Variants in ANO5 observed in about 807,000 individuals in gnomAD.
The protein encoded by ANO5 is anoctamin-5.
In ANO5, 109 loss-of-function variants were observed where a neutral mutation model predicts 121.0. That is an observed-to-expected ratio of 0.90 (90% CI 0.77 to 1.06). ANO5 has a LOEUF of 1.06. Among genes scored for constraint, ANO5 ranks in the 50% least tolerant of loss-of-function variants. ANO5 has a pLI of 0.00. For missense variants in ANO5, 1,064 were observed against 1,078.5 expected, an observed-to-expected ratio of 0.99 and a Z score of 0.19; for synonymous variants, 406 against 359.9, an observed-to-expected ratio of 1.13 and a Z score of -1.45.
intron 10 of ANO5, 25 bp downstream of exon 10, chr11:22,250,396 TAGAGA>T: frequency 6.2e-7 from 1 of 1,612,838 alleles, no homozygotes; most frequent in Non-Finnish European, 8.5e-7. Flanking sequence ...GTTGCCCAGA[TAGAGA>T]AAACATCTTT....
intron 19 of ANO5, among the ~76,000 whole-genome samples, chr11:22,273,511 A>C (rs1430642271): frequency 6.6e-6 from 1 of 152,146 alleles, no homozygotes; most frequent in Non-Finnish European, 1.5e-5. Context: ...GAAATCATAG[A>C]GCTTAATTTA....
intron 5 of ANO5, among the ~76,000 whole-genome samples, chr11:22,221,890 TA>T (rs1295775559): frequency 6.6e-6 from 1 of 151,902 alleles, no homozygotes; most frequent in East Asian, 1.9e-4. Context: ...AAAATAAAAA[TA>T]AAAAATGAAG....
At chr11:22,250,012 A>G (rs973024388) in intron 9 of ANO5, among the ~76,000 whole-genome samples, 3 of 152,126 alleles carry the variant, frequency 2.0e-5, no homozygotes, top group Non-Finnish European at 2.9e-5. Flanking sequence ...TATCCCTTTT[A>G]ATCCTTGTAT....
chr11:22,273,037 G>A (rs1375641251), intron 19 of ANO5, 48 bp downstream of exon 19: 7 of 1,538,568 alleles, frequency 4.5e-6, no homozygotes, highest in Admixed American at 1.7e-5. Context: ...CATTTTGGGG[G>A]GTGTGGGGAG....
At chr11:22,201,688 C>G (rs1851969113) in intron 1 of ANO5, among the ~76,000 whole-genome samples, 1 of 152,156 alleles carries the variant, frequency 6.6e-6, no homozygotes, top group Non-Finnish European at 1.5e-5. Flanking sequence ...TGGAAGGCAT[C>G]ACTTGGTGAG....
chr11:22,279,306 G>A (rs1318253106), intron 21 of ANO5, among the ~76,000 whole-genome samples: 2 of 151,846 alleles, frequency 1.3e-5, no homozygotes, highest in Non-Finnish European at 1.5e-5. Flanking sequence ...GTGATAAAGA[G>A]TATATTCAAT....
At chr11:22,219,804 A>C (rs931234440) in intron 4 of ANO5, among the ~76,000 whole-genome samples, 1 of 151,208 alleles carries the variant, frequency 6.6e-6, no homozygotes, top group African/African-American at 2.4e-5. Context: ...ATAGGAGATG[A>C]TTATGCATCC....
At chr11:22,271,717 G>A (rs778021261) in intron 18 of ANO5, among the ~76,000 whole-genome samples, 3 of 152,162 alleles carry the variant, frequency 2.0e-5, no homozygotes, top group Non-Finnish European at 4.4e-5. Context: ...CAATTCTGCA[G>A]AGTATTCATT....
At chr11:22,265,566 C>T (rs931145476) in intron 17 of ANO5, among the ~76,000 whole-genome samples, 2 of 152,024 alleles carry the variant, frequency 1.3e-5, no homozygotes, top group Admixed American at 1.3e-4. Flanking sequence ...ACTCTAAAGT[C>T]ATATAGAATT....
chr11:22,263,110 T>A (rs767334279), intron 17 of ANO5, 67 bp downstream of exon 17: 5 of 1,355,804 alleles, frequency 3.7e-6, no homozygotes, highest in Non-Finnish European at 5.3e-6. Context: ...TAGAAGAAGA[T>A]GGAATTTTTT....
At chr11:22,272,332 A>ACACACACT (rs1304583908) in intron 18 of ANO5, among the ~76,000 whole-genome samples, 3 of 150,884 alleles carry the variant, frequency 2.0e-5, no homozygotes, top group Non-Finnish European at 2.9e-5. Flanking sequence ...ACACACACAC[A>ACACACACT]CACACACACA....
intron 21 of ANO5, among the ~76,000 whole-genome samples, chr11:22,279,219 G>C (rs1011143267): frequency 6.6e-6 from 1 of 151,708 alleles, no homozygotes. Context: ...ATCACCATTT[G>C]CAAGTTTGCT....
intron 7 of ANO5, among the ~76,000 whole-genome samples, chr11:22,232,683 T>G (rs991590628): frequency 1.3e-5 from 2 of 151,990 alleles, no homozygotes; most frequent in African/African-American, 4.8e-5. Flanking sequence ...TTGTACAAAA[T>G]GTAAGTCAAT....
At chr11:22,209,494 A>G (rs1263889582) in intron 2 of ANO5, among the ~76,000 whole-genome samples, 4 of 151,888 alleles carry the variant, frequency 2.6e-5, no homozygotes, top group African/African-American at 9.7e-5. Flanking sequence ...TATGAGGCAA[A>G]CTGAAACTAT....
intron 18 of ANO5, among the ~76,000 whole-genome samples, chr11:22,271,898 A>G (rs533529697): frequency 6.6e-6 from 1 of 152,272 alleles, no homozygotes; most frequent in African/African-American, 2.4e-5. Context: ...TAGAGAAAGC[A>G]GGAAAAAAAG....
At position 22,281,103 on chromosome 11, in the gene ANO5, CAT is replaced by C. The variant is rs1184089505; in HGVS notation, c.*1339_*1340del. ...ATAACTTTGTGTATACACACACACA[CAT>C]CTATATATATAATTATTAGCACTAG... On this transcript the variant is annotated 3_prime_UTR_variant, in exon 22 of 22. Coordinates refer to ENST00000324559, the MANE Select transcript of ANO5 (RefSeq NM_213599.3). 1 of 151,910 alleles carries C rather than the reference CAT, an allele frequency of 6.6e-6. No individual in the cohort carries two copies. The highest frequency in any genetic ancestry group is 2.4e-5 in the African/African-American group (1 of 41,412). The allele number at this position is 151,910 out of a possible 1,614,324, so 9.4% of individuals were successfully genotyped here.
chr11:22,205,584 AAGT>A (rs1326699958), intron 2 of ANO5, among the ~76,000 whole-genome samples: 6 of 151,894 alleles, frequency 4.0e-5, no homozygotes, highest in African/African-American at 1.4e-4. Flanking sequence ...AATAAAAGGA[AAGT>A]AGAGCAAAAC....
chr11:22,272,978 G>A lies in ANO5; in HGVS notation c.2224G>A (p.Val742Ile). The change falls in exon 19 of 22, where the codon GTT becomes ATT. Residue 742 changes from valine to isoleucine, a missense_variant. Transcript: ENST00000324559. ...DILYGMAVLS[V>I]ATNAFIVAFT... ...TCTTTATGGAATGGCTGTCCTTTCT[G>A]TTGCAACTAATGTAAGTGGACCTAT... The A allele has an allele frequency of 6.2e-7, 1 of 1,613,886 alleles. No individual in the cohort carries two copies. Among genetic ancestry groups the A allele is most frequent in the Non-Finnish European group, 8.5e-7 (1 of 1,179,934 alleles).
chr11:22,262,391 A>C, intron 16 of ANO5, 93 bp downstream of exon 16: 3 of 1,345,810 alleles, frequency 2.2e-6, no homozygotes, highest in Non-Finnish European at 3.1e-6. Context: ...ATGCTAAAAA[A>C]TTACAAAATA....
Sources: allele counts gnomAD v4.1 joint callset (sites outside exome capture counted in the v4.1 genomes callset), GRCh38; gene constraint gnomAD v4.1.1; transcripts MANE v1.5; gene names NCBI Gene and HGNC (gene_info 2026-07-23, HGNC 2026-07-21).